The following SLC41A2 variants were observed in gnomAD, a reference collection of about 807,000 sequenced individuals.
SLC41A2 encodes SLC41A1-like 1.
A neutral mutation model predicts 58.3 loss-of-function variants in SLC41A2; 32 were observed. The observed-to-expected ratio is 0.55, with a 90% CI of 0.41 to 0.74. SLC41A2 has a LOEUF of 0.74. SLC41A2 is among the 30% of genes least tolerant of loss of function. The probability of loss-of-function intolerance (pLI) is 0.00; values close to 1 mark genes in which losing one functional copy is unlikely to be tolerated. For missense variants in SLC41A2, 514 were observed against 680.6 expected (o/e 0.76, Z 2.72); for synonymous variants, 190 against 235.0 (o/e 0.81, Z 1.75).
chr12:104,865,100 C>G (rs1034522958), intron 7 of SLC41A2, among the ~76,000 whole-genome samples: 5 of 152,162 alleles, frequency 3.3e-5, no homozygotes, highest in Non-Finnish European at 1.5e-5. Context: ...CATTAAAGGA[C>G]TCACAAGGGT....
chr12:104,851,038 T>C (rs954402036), intron 8 of SLC41A2, among the ~76,000 whole-genome samples: 4 of 152,178 alleles, frequency 2.6e-5, no homozygotes, highest in African/African-American at 9.7e-5. Flanking sequence ...TTCTTAGAGC[T>C]TCCATTTTCT....
At chr12:104,810,951 G>A (rs1295666833) in intron 10 of SLC41A2, among the ~76,000 whole-genome samples, 4 of 152,208 alleles carry the variant, frequency 2.6e-5, no homozygotes, top group African/African-American at 4.8e-5. Flanking sequence ...TGATGAGAGC[G>A]TAAACTGGTA....
rs1242329030 is a variant in SLC41A2, at chr12:104,928,277, A to T, written c.251T>A (p.Met84Lys). 2 of 1,613,664 alleles carry T rather than the reference A, an allele frequency of 1.2e-6. No homozygotes were observed. The highest frequency in any genetic ancestry group is 2.2e-5 in the East Asian group (1 of 44,872). Residue 84 changes from methionine to lysine, a missense_variant, in exon 2 of 11, where the codon ATG becomes AAG. Met to Lys is a moderately conservative substitution (Grantham distance 95). Coordinates refer to ENST00000258538, the MANE Select transcript of SLC41A2 (RefSeq NM_001352171.3). ...QTFSNRSEQH[M>K]EYHSFSEQSF... ...CTGCTCTGAGAAACTGTGATACTCCATGTGTTGCTCAGATCTATTACTAAA... is the reference window on the plus strand; with the variant it reads ...CTGCTCTGAGAAACTGTGATACTCCTTGTGTTGCTCAGATCTATTACTAAA...
At chr12:104,835,989 C>A (rs577392442) in intron 10 of SLC41A2, among the ~76,000 whole-genome samples, 1 of 152,256 alleles carries the variant, frequency 6.6e-6, no homozygotes, top group South Asian at 2.1e-4. Context: ...AGATTACAGG[C>A]ACAAGCCACC....
intron 10 of SLC41A2, among the ~76,000 whole-genome samples, chr12:104,811,341 AAATG>A (rs1285297112): frequency 2.6e-5 from 4 of 152,262 alleles, no homozygotes; most frequent in Non-Finnish European, 5.9e-5. Context: ...AAGCAAAAAT[AAATG>A]AAAATGAACT....
At position 104,909,776 on chromosome 12, in the gene SLC41A2, A is replaced by G. The variant is rs777158441; in HGVS notation, c.556-14T>C. ...CACCTCCCAGTGCTGTAAGAAAAAA[A>G]ATAAAATAAAATTTTCTGGCACTCT... On this transcript the variant is annotated splice_polypyrimidine_tract_variant and intron_variant, in intron 2 of 10. Coordinates refer to ENST00000258538, the MANE Select transcript of SLC41A2 (RefSeq NM_001352171.3). 6.6e-7 allele frequency: 1 copy of G among 1,522,288 alleles called. No homozygotes were observed. Among genetic ancestry groups the G allele is most frequent in the East Asian group, 2.3e-5 (1 of 43,736 alleles). The allele number at this position is 1,522,288 out of a possible 1,614,324, so 94.3% of individuals were successfully genotyped here.
chr12:104,917,832 G>A (rs1477355700), intron 2 of SLC41A2, among the ~76,000 whole-genome samples: 1 of 16,056 alleles, frequency 6.2e-5, no homozygotes, highest in African/African-American at 1.1e-4. Context: ...GGGGTGGGGG[G>A]AGGGGGGACG....
chr12:104,832,661 G>C (rs958971129), intron 10 of SLC41A2, among the ~76,000 whole-genome samples: 1 of 151,824 alleles, frequency 6.6e-6, no homozygotes, highest in African/African-American at 2.4e-5. Flanking sequence ...ATTTTCTCTT[G>C]GCCAACCTAA....
chr12:104,852,494 T>C (rs774842694), intron 8 of SLC41A2, among the ~76,000 whole-genome samples: 38 of 152,198 alleles, frequency 2.5e-4, no homozygotes, highest in Admixed American at 2.6e-4. Flanking sequence ...TTGGTAAAAC[T>C]TTATAAAACT....
intron 2 of SLC41A2, among the ~76,000 whole-genome samples, chr12:104,914,423 T>C (rs572095221): frequency 2.0e-5 from 3 of 152,362 alleles, no homozygotes; most frequent in Admixed American, 6.5e-5. Flanking sequence ...CTGTTTTATA[T>C]TGATTTTTGT....
intron 4 of SLC41A2, among the ~76,000 whole-genome samples, chr12:104,893,531 G>C (rs2045121776): frequency 6.6e-6 from 1 of 152,158 alleles, no homozygotes; most frequent in Non-Finnish European, 1.5e-5. Context: ...AAGGAAATCA[G>C]TATGTTGAAG....
chr12:104,829,872 T>A (rs1592953349), intron 10 of SLC41A2, among the ~76,000 whole-genome samples: 1 of 152,216 alleles, frequency 6.6e-6, no homozygotes, highest in South Asian at 2.1e-4. Context: ...AATTTCAGTA[T>A]CCATAAACAA....
chr12:104,922,544 A>G (rs752609359), intron 2 of SLC41A2, among the ~76,000 whole-genome samples: 2 of 152,162 alleles, frequency 1.3e-5, no homozygotes, highest in African/African-American at 2.4e-5. Flanking sequence ...TTATAAATCT[A>G]AAGAGAGAGA....
chr12:104,867,333 A>G (rs563882401), intron 6 of SLC41A2, among the ~76,000 whole-genome samples: 44 of 152,198 alleles, frequency 2.9e-4, no homozygotes, highest in Admixed American at 6.5e-4. Flanking sequence ...TTTCATTATT[A>G]TCAGAGATAT....
At chr12:104,929,050 G>A (rs7961764) in intron 1 of SLC41A2, among the ~76,000 whole-genome samples, 4,486 of 152,160 alleles carry the variant, frequency 0.029, 188 homozygotes, top group African/African-American at 0.1. Flanking sequence ...CAAGGACTCA[G>A]AATCAAATTG....
rs1472481799 is a variant in SLC41A2, at chr12:104,892,299, A to AT, written c.735+2974_735+2975insA. 3.3e-4 allele frequency among the ~76,000 whole-genome samples: 45 copies of AT among 135,092 alleles called. 3 individuals carry two copies. The highest frequency in any genetic ancestry group is 1.2e-3 in the African/African-American group (36 of 30,154). 88.6% of individuals were successfully genotyped at this position (135,092 alleles called of 152,430 possible). A position where few individuals can be genotyped will look rare whatever the true frequency, so the allele number is the denominator to read the frequency against. On this transcript the variant is annotated intron_variant, in intron 4 of 10. Coordinates refer to ENST00000258538, the MANE Select transcript of SLC41A2 (RefSeq NM_001352171.3). The stretch of plus-strand genomic sequence containing the variant: ...CAACAGAACAAGACCTCATCTCAAA[A>AT]AAAAAATAAAATAAAATAAAATAAA...
intron 3 of SLC41A2, among the ~76,000 whole-genome samples, chr12:104,904,444 C>T (rs2045713734): frequency 6.6e-6 from 1 of 152,204 alleles, no homozygotes; most frequent in African/African-American, 2.4e-5. Flanking sequence ...CTAGGTAATT[C>T]ACCAGTTCTT....
chr12:104,853,019 G>T (rs550009139), intron 8 of SLC41A2, among the ~76,000 whole-genome samples: 1 of 152,194 alleles, frequency 6.6e-6, no homozygotes, highest in South Asian at 2.1e-4. Context: ...AAAACAACTT[G>T]TCAATATACT....
intron 3 of SLC41A2, among the ~76,000 whole-genome samples, chr12:104,898,544 CAA>C (rs1431464365): frequency 4.1e-5 from 4 of 98,332 alleles, no homozygotes; most frequent in Non-Finnish European, 6.6e-5. Flanking sequence ...ACTATATGTG[CAA>C]AAAAAAAAAA....
Sources: allele counts gnomAD v4.1 joint callset (sites outside exome capture counted in the v4.1 genomes callset), GRCh38; gene constraint gnomAD v4.1.1; transcripts MANE v1.5; gene names NCBI Gene and HGNC (gene_info 2026-07-23, HGNC 2026-07-21).